The following SPTB variants were observed in gnomAD, a reference collection of about 807,000 sequenced individuals.
SPTB encodes the protein spectrin beta, erythrocytic.
Under a neutral mutation model 256.2 loss-of-function variants are expected in SPTB, and 45 were observed. That is an observed-to-expected ratio of 0.18 (90% CI 0.14 to 0.23). The LOEUF (loss-of-function observed/expected upper bound fraction) is 0.23. SPTB is among the 10% of genes least tolerant of loss of function. The pLI, the probability that SPTB is intolerant of heterozygous loss-of-function variation, is 1.00. For missense variants in SPTB, 2,715 were observed against 3,040.4 expected (o/e 0.89, Z 2.52); for synonymous variants, 1,231 against 1,243.1 (o/e 0.99, Z 0.21).
intron 2 of SPTB, among the ~76,000 whole-genome samples, chr14:64,809,578 C>A (rs1288425427): frequency 1.3e-5 from 2 of 152,128 alleles, no homozygotes; most frequent in Non-Finnish European, 2.9e-5. Flanking sequence ...AACTCCTGAC[C>A]TCGTGATCCA....
chr14:64,814,742 C>T (rs1044951561), intron 2 of SPTB, among the ~76,000 whole-genome samples: 4 of 152,142 alleles, frequency 2.6e-5, no homozygotes, highest in Non-Finnish European at 4.4e-5. Flanking sequence ...GTCTCGAGCT[C>T]CTGGCCTCCC....
chr14:64,875,612 G>A (rs137881515), intron 1 of SPTB, among the ~76,000 whole-genome samples: 47 of 152,338 alleles, frequency 3.1e-4, no homozygotes, highest in African/African-American at 1.1e-3. Flanking sequence ...CTGGCACACA[G>A]ACCACTGCAT....
rs757776842 is a variant in SPTB, at chr14:64,748,009, G to C, written c.*1297C>G. 2.0e-5 allele frequency: 3 copies of C among 152,156 alleles called. No homozygotes were observed. Among genetic ancestry groups the C allele is most frequent in the African/African-American group, 7.3e-5 (3 of 41,368 alleles). The allele number at this position is 152,156 out of a possible 1,614,324, so 9.4% of individuals were successfully genotyped here. A position where few individuals can be genotyped will look rare whatever the true frequency, so the allele number is the denominator to read the frequency against. On this transcript the variant is annotated 3_prime_UTR_variant, in exon 36 of 36. Transcript: ENST00000644917. ...GAGCTTCTGGTGCTCAGGGCTGGAG[G>C]GTGGTAGATATTTGACCTCTGTACT...
Position 64,773,176 on chromosome 14 carries a change from C to T in SPTB, c.5178+44G>A, listed in dbSNP as rs747860. On this transcript the variant is annotated intron_variant, in intron 25 of 35. Transcript: ENST00000644917. Reference sequence around the variant, plus strand: ...TTGAGTGACGGCTGGCTGCGTCTACCGCATTAGAGAAAGACAAAAACAGCA... The same window carrying T: ...TTGAGTGACGGCTGGCTGCGTCTACTGCATTAGAGAAAGACAAAAACAGCA... The T allele has an allele frequency of 0.091, 146,218 of 1,611,248 alleles. 7,000 individuals are homozygous for T. Among genetic ancestry groups the T allele is most frequent in the Middle Eastern group, 0.12 (698 of 6,056 alleles).
rs570564225 is a variant in SPTB, at chr14:64,777,285, A to G, written c.4563+1872T>C. Reference sequence around the variant, plus strand: ...GCTGGAATACTGTGAAGGAGGGCAAAGTGAGAAGAGCTGAGTTTCAGAAGC... The same window carrying G: ...GCTGGAATACTGTGAAGGAGGGCAAGGTGAGAAGAGCTGAGTTTCAGAAGC... On this transcript the variant is annotated intron_variant, in intron 22 of 35. Coordinates refer to ENST00000644917, the MANE Select transcript of SPTB (RefSeq NM_001355436.2). This position sits in a 1 kb window ranked among gnomAD's most constrained non-coding sequence, Gnocchi z 4.5. Among the ~76,000 whole-genome samples the G allele has an allele frequency of 2.0e-5, 3 of 152,298 alleles. No individual in the cohort carries two copies. In the East Asian group the frequency reaches 5.8e-4, roughly 29 times the overall value.
chr14:64,787,018 G>T lies in SPTB; in HGVS notation c.2947C>A (p.Leu983Met). 6.2e-7 allele frequency: 1 copy of T among 1,614,138 alleles called. No individual in the cohort carries two copies. The highest frequency in any genetic ancestry group is 1.1e-5 in the South Asian group (1 of 91,078). Residue 983 changes from leucine to methionine, a missense_variant, in exon 16 of 36, where the codon CTG becomes ATG. By Grantham distance (15) the Leu-to-Met change is conservative (BLOSUM62 2). Around this residue, in one of 4 missense-constraint regions of SPTB, gnomAD observed 2,239 missense variants for 2,384.4 expected, o/e 0.94. Transcript: ENST00000644917. ...ATGATACCTGCCAGGTCCCGCCCCA[G>T]GTCTTTTGTGGACTCCACTACCTTT... ...KTKVVESTKD[L>M]GRDLAGIIAI...
Position 64,797,188 on chromosome 14 carries a change from G to A in SPTB, c.1183-473C>T, listed in dbSNP as rs1161825485. 3.3e-5 allele frequency among the ~76,000 whole-genome samples: 5 copies of A among 152,078 alleles called. 1 individual carries two copies. The East Asian group carries it at 5.8e-4, about 18-fold the overall frequency. On this transcript the variant is annotated intron_variant, in intron 10 of 35. Transcript: ENST00000644917. ...AAACTGGCTCCAAAAAAATGGACTC[G>A]GAGGCTGGGTGTGATGGCTCACACG... is the stretch of plus-strand genomic sequence containing the variant.
At chr14:64,813,789 G>C (rs772188683) in intron 2 of SPTB, among the ~76,000 whole-genome samples, 10 of 152,206 alleles carry the variant, frequency 6.6e-5, no homozygotes, top group Admixed American at 3.9e-4. Context: ...GCCTCCAAAA[G>C]TGCCTGGATT....
chr14:64,837,886 A>G (rs2083549756), intron 1 of SPTB, among the ~76,000 whole-genome samples: 1 of 152,194 alleles, frequency 6.6e-6, no homozygotes, highest in Non-Finnish European at 1.5e-5. Flanking sequence ...TGCTGGGATT[A>G]CAGGTGTGAG....
chr14:64,840,971 T>C (rs2083597656), intron 1 of SPTB, among the ~76,000 whole-genome samples: 1 of 152,238 alleles, frequency 6.6e-6, no homozygotes, highest in African/African-American at 2.4e-5. Context: ...GGAAGGTAAT[T>C]TAAACATTTC....
intron 15 of SPTB, among the ~76,000 whole-genome samples, 199 bp downstream of exon 15, chr14:64,791,520 C>T (rs2082671881): frequency 1.4e-5 from 2 of 142,262 alleles, no homozygotes; most frequent in Non-Finnish European, 3.0e-5. Context: ...GAGCCGAGAT[C>T]GCACCACTGC....
chr14:64,750,568 G>C (rs941212566), intron 33 of SPTB, among the ~76,000 whole-genome samples: 3 of 151,918 alleles, frequency 2.0e-5, no homozygotes, highest in Non-Finnish European at 2.9e-5. Context: ...CTGAGGTCAG[G>C]AGTTCAAGAC....
At chr14:64,821,075 T>C (rs540443969) in intron 2 of SPTB, among the ~76,000 whole-genome samples, 1 of 152,264 alleles carries the variant, frequency 6.6e-6, no homozygotes, top group East Asian at 1.9e-4. Flanking sequence ...CCCGGGGCCC[T>C]TCTGCCTGCC....
chr14:64,793,611 A>G lies in SPTB; in HGVS notation c.2052T>C (p.Asp684=), dbSNP rs753480687. The G allele has an allele frequency of 1.9e-6, 3 of 1,614,184 alleles. No homozygotes were observed. Among genetic ancestry groups the G allele is most frequent in the Middle Eastern group, 1.6e-4 (1 of 6,062 alleles). Residue 684 remains aspartate (D), a synonymous_variant, in exon 14 of 36, where the codon GAT becomes GAC. Coordinates refer to ENST00000644917, the MANE Select transcript of SPTB (RefSeq NM_001355436.2). This position sits in a 1 kb window ranked among gnomAD's most constrained non-coding sequence, Gnocchi z 7.0. ...GGTGAGCATCCAGCCCACGGAGCTCATCCTCAAAGGCCTTGTGCTTGCGCT... is the reference window on the plus strand; with the variant it reads ...GGTGAGCATCCAGCCCACGGAGCTCGTCCTCAAAGGCCTTGTGCTTGCGCT... The part of the protein sequence containing the change: ...ILQRKHKAFE[D]ELRGLDAHLE...
intron 28 of SPTB, 128 bp from the exon 29 acceptor site, chr14:64,769,246 C>T (rs1267299900): frequency 1.1e-6 from 1 of 950,990 alleles, no homozygotes; most frequent in Non-Finnish European, 1.7e-6. Context: ...CTTGGCCCAG[C>T]TGCTTGCCAG....
Position 64,749,953 on chromosome 14 carries a change from G to C in SPTB, c.6776+28C>G. ...TAATGCCAAATCAAGCCATCAACCC[G>C]AGCTTTCAAAGGCCAGGAAGGCCTC... is the stretch of plus-strand genomic sequence containing the variant. On this transcript the variant is annotated intron_variant, in intron 34 of 35. Transcript: ENST00000644917. The surrounding 1 kb of genome is among the most constrained non-coding windows in gnomAD (Gnocchi z 4.7). 1 of 1,614,102 alleles carries C rather than the reference G, an allele frequency of 6.2e-7. No individual in the cohort carries two copies.
At chr14:64,851,189 G>A (rs892483632) in intron 1 of SPTB, among the ~76,000 whole-genome samples, 2 of 152,188 alleles carry the variant, frequency 1.3e-5, no homozygotes, top group Non-Finnish European at 1.5e-5. Flanking sequence ...TGTTATTTCC[G>A]CTAGTGGAAA....
intron 15 of SPTB, 101 bp downstream of exon 15, chr14:64,791,618 G>T: frequency 2.7e-5 from 22 of 801,620 alleles, no homozygotes; most frequent in East Asian, 6.3e-5. Flanking sequence ...GTATAGAAGT[G>T]TTGGTGCATA....
At chr14:64,820,995 A>G (rs1174980227) in intron 2 of SPTB, among the ~76,000 whole-genome samples, 1 of 151,990 alleles carries the variant, frequency 6.6e-6, no homozygotes, top group Non-Finnish European at 1.5e-5. Context: ...CGGCTCATTA[A>G]CCTGTCTCCA....
Sources: gnomAD v4.1 joint callset for allele counts (sites outside exome capture counted in the v4.1 genomes callset) on GRCh38, gnomAD v4.1.1 for gene constraint, gnomAD v4.1.1 regional missense constraint, Gnocchi (gnomAD v3.1) non-coding constraint, MANE v1.5 for transcripts, NCBI Gene and HGNC (gene_info 2026-07-23, HGNC 2026-07-21) for gene names.